The following PALM2AKAP2 variants were observed in gnomAD, a reference collection of about 807,000 sequenced individuals.
The protein encoded by PALM2AKAP2 is PALM2-AKAP2 fusion protein.
In PALM2AKAP2, 37 loss-of-function variants were observed where a neutral mutation model predicts 71.5. The observed-to-expected ratio is 0.52, with a 90% CI of 0.40 to 0.68. The LOEUF (loss-of-function observed/expected upper bound fraction) is 0.68, where lower values mean the gene tolerates loss of function less well. Among genes scored for constraint, PALM2AKAP2 ranks in the 30% least tolerant of loss-of-function variants. The pLI, the probability that PALM2AKAP2 is intolerant of heterozygous loss-of-function variation, is 0.00. For synonymous variants in PALM2AKAP2, 468 were observed against 478.8 expected (o/e 0.98, Z 0.29); for missense variants, 1,224 against 1,191.8 (o/e 1.03, Z -0.40).
At chr9:110,134,226 C>G (rs1316727480) in intron 1 of PALM2AKAP2, among the ~76,000 whole-genome samples, 4 of 151,760 alleles carry the variant, frequency 2.6e-5, no homozygotes, top group Non-Finnish European at 5.9e-5. Context: ...TTGCAGTGAG[C>G]TATGATCACA....
intron 1 of PALM2AKAP2, among the ~76,000 whole-genome samples, chr9:110,073,577 A>T (rs900328478): frequency 2.0e-5 from 3 of 152,224 alleles, no homozygotes; most frequent in Non-Finnish European, 4.4e-5. Flanking sequence ...CTCTGAGGAT[A>T]TATCTAGAGG....
At chr9:109,672,616 T>C (rs1827590647) in intron 1 of PALM2AKAP2, among the ~76,000 whole-genome samples, 1 of 150,160 alleles carries the variant, frequency 6.7e-6, no homozygotes, top group African/African-American at 2.5e-5. Context: ...GATGCTGGCC[T>C]CATAGAAAGA....
chr9:109,881,876 C>CTTTTT (rs565835467), intron 3 of PALM2AKAP2, among the ~76,000 whole-genome samples: 4,310 of 94,998 alleles, frequency 0.045, 548 homozygotes, highest in Non-Finnish European at 0.07. Flanking sequence ...CTTATGAGCT[C>CTTTTT]TTTTTTTTTT....
At chr9:109,751,913 G>C (rs1213420246) in intron 1 of PALM2AKAP2, among the ~76,000 whole-genome samples, 1 of 152,096 alleles carries the variant, frequency 6.6e-6, no homozygotes, top group Non-Finnish European at 1.5e-5. Flanking sequence ...TTAGTGGTTG[G>C]CCATTCAAAG....
At chr9:109,916,347 G>A (rs900562020) in intron 3 of PALM2AKAP2, among the ~76,000 whole-genome samples, 1 of 152,230 alleles carries the variant, frequency 6.6e-6, no homozygotes, top group Non-Finnish European at 1.5e-5. Flanking sequence ...CAGGAAGGTA[G>A]GCTCTCAGCA....
intron 1 of PALM2AKAP2, among the ~76,000 whole-genome samples, chr9:110,125,281 T>C (rs1835572606): frequency 6.6e-6 from 1 of 152,164 alleles, no homozygotes; most frequent in Non-Finnish European, 1.5e-5. Context: ...CTGATTCACC[T>C]CAACGCCGCC....
At chr9:110,007,135 A>G (rs1832799665) in intron 6 of PALM2AKAP2, among the ~76,000 whole-genome samples, 1 of 152,190 alleles carries the variant, frequency 6.6e-6, no homozygotes, top group Admixed American at 6.5e-5. Flanking sequence ...TTAATGACAC[A>G]TGGAACTTCT....
chr9:109,920,912 A>T (rs1415145097), intron 3 of PALM2AKAP2, among the ~76,000 whole-genome samples: 1 of 152,178 alleles, frequency 6.6e-6, no homozygotes, highest in Non-Finnish European at 1.5e-5. Flanking sequence ...GAATTAATTC[A>T]GTTTCTGGAT....
chr9:110,162,759 G>A (rs1415813863), intron 3 of PALM2AKAP2, among the ~76,000 whole-genome samples: 1 of 152,224 alleles, frequency 6.6e-6, no homozygotes, highest in African/African-American at 2.4e-5. Context: ...GTGGAGTACA[G>A]TGGTGCAATC....
chr9:109,832,616 A>G (rs1828334904), intron 1 of PALM2AKAP2, among the ~76,000 whole-genome samples: 1 of 152,188 alleles, frequency 6.6e-6, no homozygotes, highest in Non-Finnish European at 1.5e-5. Flanking sequence ...TTCTAATTTC[A>G]TTGTCATGCC....
chr9:109,937,149 G>A (rs929591501), intron 6 of PALM2AKAP2, among the ~76,000 whole-genome samples: 2 of 152,074 alleles, frequency 1.3e-5, no homozygotes, highest in African/African-American at 2.4e-5. Context: ...GAGCCAGGGG[G>A]ATAAGTCTGA....
At chr9:110,054,746 A>C (rs779816241) in intron 1 of PALM2AKAP2, among the ~76,000 whole-genome samples, 2 of 151,724 alleles carry the variant, frequency 1.3e-5, no homozygotes, top group African/African-American at 2.4e-5. Context: ...CTGTTTTTCT[A>C]TTGTTTGTAG....
intron 1 of PALM2AKAP2, among the ~76,000 whole-genome samples, chr9:110,076,835 T>C (rs1306461942): frequency 6.6e-6 from 1 of 152,158 alleles, no homozygotes; most frequent in Non-Finnish European, 1.5e-5. Flanking sequence ...GATCCTGGCA[T>C]CTGTCAAGGT....
Position 110,080,500 on chromosome 9 carries a change from G to A in PALM2AKAP2, c.156+31645G>A, listed in dbSNP as rs141909946. Among the ~76,000 whole-genome samples the A allele has an allele frequency of 2.1e-3, 313 of 152,318 alleles. 2 individuals are homozygous for A. Among genetic ancestry groups the A allele is most frequent in the South Asian group, 0.013 (61 of 4,828 alleles). ...AGGTGTGATGTCAGGTGTAGGAAGAGATGGGAAACACGATGTAAAATGTCT... is the reference window on the plus strand; with the variant it reads ...AGGTGTGATGTCAGGTGTAGGAAGAAATGGGAAACACGATGTAAAATGTCT... On this transcript the variant is annotated intron_variant, in intron 1 of 3. Coordinates refer to ENST00000374525, the Ensembl canonical transcript of PALM2AKAP2.
At chr9:110,085,386 T>C (rs1240862392) in intron 1 of PALM2AKAP2, among the ~76,000 whole-genome samples, 2 of 151,844 alleles carry the variant, frequency 1.3e-5, no homozygotes, top group Admixed American at 6.6e-5. Flanking sequence ...CTCAAGAAAA[T>C]ATAAAGTCTA....
chr9:109,952,830 T>C (rs1360622894), intron 6 of PALM2AKAP2, among the ~76,000 whole-genome samples: 1 of 152,252 alleles, frequency 6.6e-6, no homozygotes, highest in Non-Finnish European at 1.5e-5. Context: ...CGGGTTCAAA[T>C]GTAGGAGCAT....
Position 109,652,044 on chromosome 9 carries a change from T to G in PALM2AKAP2, c.5+11178T>G, listed in dbSNP as rs146504738. Among the ~76,000 whole-genome samples, 584 of 152,316 alleles carry G rather than the reference T, an allele frequency of 3.8e-3. 2 individuals are homozygous for G. Among genetic ancestry groups the G allele is most frequent in the Non-Finnish European group, 5.5e-3 (373 of 68,022 alleles). ...CTACCTAAATTACTGCCAAGTCAATTAAGTCTATACCATCATGTGTAATCT... is the reference window on the plus strand; with the variant it reads ...CTACCTAAATTACTGCCAAGTCAATGAAGTCTATACCATCATGTGTAATCT... On this transcript the variant is annotated intron_variant, in intron 1 of 6. Coordinates refer to the PALM2AKAP2 transcript ENST00000374531.
At chr9:109,869,613 C>T (rs1375806741) in intron 2 of PALM2AKAP2, among the ~76,000 whole-genome samples, 1 of 145,386 alleles carries the variant, frequency 6.9e-6, no homozygotes, top group Non-Finnish European at 1.5e-5. Flanking sequence ...GCTGGGATTG[C>T]ATATTCATTT....
At chr9:109,673,510 T>C (rs1278645613) in intron 1 of PALM2AKAP2, among the ~76,000 whole-genome samples, 1 of 152,158 alleles carries the variant, frequency 6.6e-6, no homozygotes, top group African/African-American at 2.4e-5. Context: ...AGGAGTGTTT[T>C]ACTTTTTATG....
Sources: gnomAD v4.1 joint callset for allele counts (sites outside exome capture counted in the v4.1 genomes callset) on GRCh38, gnomAD v4.1.1 for gene constraint, MANE v1.5 for transcripts, NCBI Gene and HGNC (gene_info 2026-07-23, HGNC 2026-07-21) for gene names.